FARSA: variants seen among roughly 807,000 people sequenced by gnomAD.
FARSA encodes phenylalanyl-tRNA synthetase subunit alpha.
A neutral mutation model predicts 63.2 loss-of-function variants in FARSA; 37 were observed. The ratio of observed to expected loss-of-function variants is 0.59; its 90% CI spans 0.45 to 0.77. FARSA has a LOEUF of 0.77. FARSA is among the 30% of genes least tolerant of loss of function. The probability of loss-of-function intolerance (pLI) is 0.00; values close to 1 mark genes in which losing one functional copy is unlikely to be tolerated. For synonymous variants in FARSA, 312 were observed against 285.1 expected, an observed-to-expected ratio of 1.09 and a Z score of -0.95; for missense variants, 618 against 696.6, an observed-to-expected ratio of 0.89 and a Z score of 1.27.
chr19:12,924,446 G>A lies in FARSA; in HGVS notation c.1273+3C>T. ...CCACCCCAGTACCAGGGCCTACCCT[G>A]ACCTTGGTGGTAGCTGAACACCTCC... On this transcript the variant is annotated splice_donor_region_variant and intron_variant, in intron 11 of 12. Transcript: ENST00000314606. The surrounding 1 kb of genome is among the most constrained non-coding windows in gnomAD (Gnocchi z 6.4). The A allele has an allele frequency of 2.5e-6, 4 of 1,613,040 alleles. No homozygotes were observed. The highest frequency in any genetic ancestry group is 2.5e-6 in the Non-Finnish European group (3 of 1,179,840).
intron 1 of FARSA, chr19:12,933,300 G>A (rs1971415454): frequency 1.2e-5 from 5 of 411,204 alleles, no homozygotes; most frequent in South Asian, 3.0e-5. Flanking sequence ...GGCAGCAACC[G>A]CGACTTCCTC....
chr19:12,922,804 G>C lies in FARSA; in HGVS notation c.1471C>G (p.Pro491Ala), dbSNP rs1292599106. 1 of 1,614,154 alleles carries C rather than the reference G, an allele frequency of 6.2e-7. No individual in the cohort carries two copies. The highest frequency in any genetic ancestry group is 2.2e-5 in the East Asian group (1 of 44,878). The change falls in exon 13 of 13, where the codon CCC becomes GCC. Residue 491 changes from proline (P) to alanine (A), a missense_variant. By Grantham distance (27) the Pro-to-Ala change is conservative. Coordinates refer to ENST00000314606, the MANE Select transcript of FARSA (RefSeq NM_004461.3). ...KVNLQMVYDSPLCRLDAEPRP... is the reference protein window; with the variant it reads ...KVNLQMVYDSALCRLDAEPRP... ...GGCTCGGCATCCAGGCGGCACAGGG[G>C]ACTGTCATACACCATCTGCAGGTTC...
In FARSA at chr19:12,922,894, G is replaced by A. The variant is rs1366169300; in HGVS notation, c.1389-8C>T. On this transcript the variant is annotated splice_region_variant and splice_polypyrimidine_tract_variant and intron_variant, in intron 12 of 12. Transcript: ENST00000314606. ...TATTTGATCATCGTTGGGCTTGTGG[G>A]GGAGGGAACAGAGTTTATCATGAGG... 26 of 1,613,930 alleles carry A rather than the reference G, an allele frequency of 1.6e-5. No homozygotes were observed. Among genetic ancestry groups the A allele is most frequent in the Non-Finnish European group, 2.1e-5 (25 of 1,180,020 alleles).
In FARSA at chr19:12,928,433, G is replaced by T; in HGVS notation, c.750C>A (p.Asn250Lys). Residue 250 changes from asparagine to lysine, a missense_variant, in exon 7 of 13, where the codon AAC (asparagine) becomes AAA (lysine). By Grantham distance (94) the Asn-to-Lys change is moderately conservative. Transcript: ENST00000314606. ...EMGFTEMPTD[N>K]FIESSFWNFD... ...AGTTCCAGAAGGAGCTCTCAATGAA[G>T]TTATCAGTCGGCATCTCGGTGAACC... The T allele has an allele frequency of 6.2e-7, 1 of 1,614,122 alleles. No homozygotes were observed. The highest frequency in any genetic ancestry group is 8.5e-7 in the Non-Finnish European group (1 of 1,180,004).
chr19:12,933,680 A>G lies in FARSA; in HGVS notation c.17T>C (p.Val6Ala). MADGQ[V>A]AELLLRRLEA... is the part of the protein sequence containing the mutation. ...CAGCCGCCGGAGCAGCAGTTCCGCC[A>G]CCTGACCATCCGCCATGACTCCTTC... Residue 6 changes from valine to alanine, a missense_variant, in exon 1 of 13, where the codon GTG (valine) becomes GCG (alanine). Physicochemically the swap from Val to Ala is moderately conservative, Grantham distance 64 (BLOSUM62 0). Transcript: ENST00000314606. 6.4e-7 allele frequency: 1 copy of G among 1,568,716 alleles called. No homozygotes were observed. The highest frequency in any genetic ancestry group is 2.3e-5 in the East Asian group (1 of 42,568).
In FARSA at chr19:12,924,899, C is replaced by A. The variant is rs532102742; in HGVS notation, c.1026+5G>T. On this transcript the variant is annotated splice_donor_5th_base_variant and intron_variant, in intron 9 of 12. Transcript: ENST00000314606. The surrounding 1 kb of genome is among the most constrained non-coding windows in gnomAD (Gnocchi z 6.4). ...CACTGGGGCCCCCGCCTGGGCCAAC[C>A]GCACCTTCTGGGCAAGGCGGTAGAG... The A allele has an allele frequency of 5.0e-6, 8 of 1,614,210 alleles. No individual in the cohort carries two copies. The South Asian group carries it at 8.8e-5, about 18-fold the overall frequency.
At chr19:12,931,944 T>G (rs1971401600) in intron 1 of FARSA, among the ~76,000 whole-genome samples, 1 of 152,166 alleles carries the variant, frequency 6.6e-6, no homozygotes, top group Admixed American at 6.6e-5. Context: ...GAGAAAGGTG[T>G]GATGGGTTCT....
chr19:12,931,957 C>T (rs1459233941), intron 1 of FARSA, among the ~76,000 whole-genome samples: 1 of 152,096 alleles, frequency 6.6e-6, no homozygotes, highest in Admixed American at 6.6e-5. Flanking sequence ...TGGGTTCTAC[C>T]TCAGATGATT....
chr19:12,932,278 G>A (rs559100288), intron 1 of FARSA, among the ~76,000 whole-genome samples: 44 of 152,062 alleles, frequency 2.9e-4, no homozygotes, highest in Middle Eastern at 3.4e-3. Context: ...TGATCCACCC[G>A]CCTTGGTCTC....
intron 4 of FARSA, 49 bp from the exon 5 acceptor site, chr19:12,928,896 G>T: frequency 6.5e-7 from 1 of 1,539,864 alleles, no homozygotes; most frequent in South Asian, 1.1e-5. Flanking sequence ...CCTCCTAGAG[G>T]ACTTCCTTGA....
chr19:12,933,411 G>T, intron 1 of FARSA, 139 bp downstream of exon 1: 1 of 1,020,244 alleles, frequency 9.8e-7, no homozygotes, highest in Non-Finnish European at 1.4e-6. Context: ...CCCACTTCCC[G>T]CCCGCACATC....
chr19:12,930,852 A>T, intron 1 of FARSA, 103 bp from the exon 2 acceptor site: 1 of 1,368,498 alleles, frequency 7.3e-7, no homozygotes, highest in Non-Finnish European at 1.0e-6. Context: ...CAGCCCTTAA[A>T]GCTAGGTTCA....
At position 12,924,962 on chromosome 19, in the gene FARSA, A is replaced by G. The variant is rs1489303167; in HGVS notation, c.968T>C (p.Leu323Pro). The G allele has an allele frequency of 6.2e-7, 1 of 1,614,212 alleles. No homozygotes were observed. ...GGCTGATGTGGTGTGGGTTCGCAGT[A>G]GGTTTTTCCGGGCCTCGTCCAGCTT... ...NWKLDEARKN[L>P]LRTHTTSASA... The change falls in exon 9 of 13, where the codon CTA becomes CCA. Residue 323 changes from leucine (L) to proline (P), a missense_variant. Coordinates refer to ENST00000314606, the MANE Select transcript of FARSA (RefSeq NM_004461.3). This position sits in a 1 kb window ranked among gnomAD's most constrained non-coding sequence, Gnocchi z 6.4.
At chr19:12,932,722 T>C (rs1971410655) in intron 1 of FARSA, among the ~76,000 whole-genome samples, 2 of 152,178 alleles carry the variant, frequency 1.3e-5, no homozygotes, top group Non-Finnish European at 1.5e-5. Flanking sequence ...CCCATGGATC[T>C]AGCCTTCTGG....
rs746694989 is a variant in FARSA, at chr19:12,925,072, AG to A, written c.926+17del. On this transcript the variant is annotated intron_variant, in intron 8 of 12. Transcript: ENST00000314606. ...CCCCAGCCTCCTTCCCTTCCATACC[AG>A]GTAAGTCCTGCCTCACCCCTGTGAG... 1.9e-6 allele frequency: 3 copies of A among 1,611,646 alleles called. No homozygotes were observed. In the South Asian group the frequency reaches 3.3e-5, roughly 18 times the overall value.
At position 12,922,547 on chromosome 19, in the gene FARSA, T is replaced by C; in HGVS notation, c.*201A>G. Reference sequence around the variant, plus strand: ...GTCTCCTCAGGGCCCACCCTCACAGTAGACACACCACACAGGACAACAGAA... The same window carrying C: ...GTCTCCTCAGGGCCCACCCTCACAGCAGACACACCACACAGGACAACAGAA... On this transcript the variant is annotated 3_prime_UTR_variant, in exon 13 of 13. Coordinates refer to ENST00000314606, the MANE Select transcript of FARSA (RefSeq NM_004461.3). The C allele has an allele frequency of 4.7e-6, 3 of 642,452 alleles. No homozygotes were observed. Among genetic ancestry groups the C allele is most frequent in the Non-Finnish European group, 7.9e-6 (3 of 378,752 alleles). The allele number at this position is 642,452 out of a possible 1,614,324, so 39.8% of individuals were successfully genotyped here.
At position 12,924,338 on chromosome 19, in the gene FARSA, C is replaced by A; in HGVS notation, c.1274-73G>T. The A allele has an allele frequency of 6.5e-7, 1 of 1,544,500 alleles. No individual in the cohort carries two copies. Among genetic ancestry groups the A allele is most frequent in the South Asian group, 1.1e-5 (1 of 89,702 alleles). ...GGCACTGCTGGTACAGGTTCTGGGT[C>A]TAGGTGGTGAGCTTGGGAGGTGGGG... On this transcript the variant is annotated intron_variant, in intron 11 of 12. Coordinates refer to ENST00000314606, the MANE Select transcript of FARSA (RefSeq NM_004461.3). This position sits in a 1 kb window ranked among gnomAD's most constrained non-coding sequence, Gnocchi z 6.4.
rs1971419781 is a variant in FARSA, at chr19:12,933,624, C to T, written c.73G>A (p.Glu25Lys). 2.0e-5 allele frequency: 31 copies of T among 1,559,046 alleles called. No homozygotes were observed. Among genetic ancestry groups the T allele is most frequent in the Non-Finnish European group, 2.7e-5 (31 of 1,156,084 alleles). Residue 25 changes from glutamate to lysine, a missense_variant, in exon 1 of 13, where the codon GAG becomes AAG. By Grantham distance (56) the Glu-to-Lys change is moderately conservative. Coordinates refer to ENST00000314606, the MANE Select transcript of FARSA (RefSeq NM_004461.3). ...EASDGGLDSA[E>K]LAAELGMEHQ... ...TCCATGCCCAGCTCAGCCGCCAACT[C>T]GGCGCTGTCCAGGCCGCCATCAGAC...
intron 5 of FARSA, 40 bp downstream of exon 5, chr19:12,928,715 C>T: frequency 7.4e-6 from 12 of 1,614,060 alleles, no homozygotes; most frequent in Non-Finnish European, 8.5e-6. Context: ...TGCCCCCTGC[C>T]CCAGCTCCCA....
Sources: allele counts gnomAD v4.1 joint callset (sites outside exome capture counted in the v4.1 genomes callset), GRCh38; gene constraint gnomAD v4.1.1; non-coding constraint Gnocchi (gnomAD v3.1); transcripts MANE v1.5; gene names NCBI Gene and HGNC (gene_info 2026-07-23, HGNC 2026-07-21).